KLHL2: variants seen among roughly 807,000 people sequenced by gnomAD.
The protein encoded by KLHL2 is kelch like family member 2, also known as kelch-like protein 2.
A neutral mutation model predicts 75.8 loss-of-function variants in KLHL2; 15 were observed. The observed-to-expected ratio is 0.20, with a 90% CI of 0.13 to 0.30. The LOEUF (loss-of-function observed/expected upper bound fraction) is 0.30, where lower values mean the gene tolerates loss of function less well. KLHL2 is among the 10% of genes least tolerant of loss of function. The probability of loss-of-function intolerance (pLI) is 1.00; values close to 1 mark genes in which losing one functional copy is unlikely to be tolerated. For synonymous variants in KLHL2, 214 were observed against 251.9 expected, an observed-to-expected ratio of 0.85 and a Z score of 1.42; for missense variants, 381 against 741.0, an observed-to-expected ratio of 0.51 and a Z score of 5.64.
intron 5 of KLHL2, among the ~76,000 whole-genome samples, chr4:165,276,486 T>C (rs1252150689): frequency 6.6e-6 from 1 of 152,022 alleles, no homozygotes; most frequent in African/African-American, 2.4e-5. Context: ...TTCCAGACCA[T>C]TGCTCTCACT....
At chr4:165,217,396 A>G (rs1737624099) in intron 1 of KLHL2, among the ~76,000 whole-genome samples, 2 of 152,154 alleles carry the variant, frequency 1.3e-5, no homozygotes, top group Non-Finnish European at 2.9e-5. Flanking sequence ...ATGTTCTGCC[A>G]TCTTTTTGGC....
At chr4:165,226,122 A>C (rs192410997) in intron 2 of KLHL2, among the ~76,000 whole-genome samples, 3 of 152,342 alleles carry the variant, frequency 2.0e-5, no homozygotes, top group Non-Finnish European at 2.9e-5. Flanking sequence ...GACAAAAGGA[A>C]AATAGGCATA....
chr4:165,229,545 T>G (rs1738716462), intron 3 of KLHL2, among the ~76,000 whole-genome samples: 1 of 152,198 alleles, frequency 6.6e-6, no homozygotes, highest in South Asian at 2.1e-4. Context: ...AAAATACAAA[T>G]AGAAATGTAG....
intron 5 of KLHL2, chr4:165,278,235 C>T (rs759178280): frequency 1.7e-5 from 20 of 1,150,540 alleles, no homozygotes; most frequent in South Asian, 1.3e-4. Flanking sequence ...AGACTCCATA[C>T]GTCGACTCCT....
chr4:165,231,382 G>A (rs1234033836), intron 3 of KLHL2, among the ~76,000 whole-genome samples: 1 of 152,174 alleles, frequency 6.6e-6, no homozygotes, highest in Non-Finnish European at 1.5e-5. Context: ...CTGGGAGGCA[G>A]AGGTTGCAGT....
intron 4 of KLHL2, among the ~76,000 whole-genome samples, chr4:165,246,266 G>A (rs571043039): frequency 6.6e-6 from 1 of 152,278 alleles, no homozygotes; most frequent in East Asian, 1.9e-4. Flanking sequence ...CAGAGTAAAT[G>A]ATGAGAGAGT....
At chr4:165,296,203 A>G (rs1560815460) in intron 6 of KLHL2, among the ~76,000 whole-genome samples, 1 of 152,138 alleles carries the variant, frequency 6.6e-6, no homozygotes, top group Non-Finnish European at 1.5e-5. Context: ...TGCACATGGC[A>G]TCTTATGGGT....
At chr4:165,292,993 T>C (rs1453055686) in intron 5 of KLHL2, among the ~76,000 whole-genome samples, 1 of 152,192 alleles carries the variant, frequency 6.6e-6, no homozygotes, top group Admixed American at 6.5e-5. Flanking sequence ...ACAGCAATCT[T>C]ATTTTTATTA....
At chr4:165,246,536 T>C (rs1740279966) in intron 4 of KLHL2, among the ~76,000 whole-genome samples, 2 of 152,024 alleles carry the variant, frequency 1.3e-5, no homozygotes, top group Admixed American at 6.6e-5. Context: ...TGGCGTGAGA[T>C]GGTGAACAAT....
chr4:165,255,043 G>T (rs548577609), intron 4 of KLHL2, among the ~76,000 whole-genome samples: 1 of 152,326 alleles, frequency 6.6e-6, no homozygotes, highest in South Asian at 2.1e-4. Context: ...AACCCTGAAA[G>T]GTAGGTGGTG....
At chr4:165,278,815 A>G (rs1344316117) in intron 5 of KLHL2, 1 of 1,554,818 alleles carries the variant, frequency 6.4e-7, no homozygotes, top group Non-Finnish European at 8.9e-7. Flanking sequence ...TTCCATACGT[A>G]TTTTTGGCTT....
At chr4:165,276,109 C>T (rs1743072999) in intron 5 of KLHL2, among the ~76,000 whole-genome samples, 1 of 152,168 alleles carries the variant, frequency 6.6e-6, no homozygotes, top group African/African-American at 2.4e-5. Context: ...GCCTGGGCAA[C>T]AGAGAGACTC....
At chr4:165,267,122 T>C (rs1218563958) in intron 5 of KLHL2, among the ~76,000 whole-genome samples, 1 of 151,056 alleles carries the variant, frequency 6.6e-6, no homozygotes, top group African/African-American at 2.4e-5. Flanking sequence ...CTCTCTATTA[T>C]TGGTGTATAG....
At chr4:165,254,229 A>G (rs1285889634) in intron 4 of KLHL2, among the ~76,000 whole-genome samples, 1 of 152,230 alleles carries the variant, frequency 6.6e-6, no homozygotes, top group East Asian at 1.9e-4. Context: ...ATTTTATAAT[A>G]GGATTGTTTG....
intron 1 of KLHL2, among the ~76,000 whole-genome samples, chr4:165,215,686 T>C (rs1737488298): frequency 6.6e-6 from 1 of 152,168 alleles, no homozygotes; most frequent in African/African-American, 2.4e-5. Context: ...GATCTCCTGT[T>C]AAACTTTGCA....
intron 4 of KLHL2, among the ~76,000 whole-genome samples, chr4:165,262,816 C>T (rs377200141): frequency 8.1e-4 from 124 of 152,174 alleles, no homozygotes; most frequent in South Asian, 2.5e-3. Flanking sequence ...TGAACTCAAG[C>T]GATCCTCCTG....
At chr4:165,211,084 C>A (rs1271516303) in intron 1 of KLHL2, among the ~76,000 whole-genome samples, 1 of 152,020 alleles carries the variant, frequency 6.6e-6, no homozygotes, top group Non-Finnish European at 1.5e-5. Context: ...ACTTGTTGAC[C>A]ATGTTCTAAG....
At chr4:165,310,189 G>C (rs1746048631) in intron 9 of KLHL2, among the ~76,000 whole-genome samples, 1 of 152,156 alleles carries the variant, frequency 6.6e-6, no homozygotes, top group Non-Finnish European at 1.5e-5. Context: ...GTTGGGTGTG[G>C]TGGCGGGCGC....
At chr4:165,312,087 G>C (rs1177616635) in intron 11 of KLHL2, among the ~76,000 whole-genome samples, 1 of 152,024 alleles carries the variant, frequency 6.6e-6, no homozygotes, top group African/African-American at 2.4e-5. Flanking sequence ...TTCAAGATAG[G>C]GTTCACACTT....
Sources: gnomAD v4.1 joint callset for allele counts (sites outside exome capture counted in the v4.1 genomes callset) on GRCh38, gnomAD v4.1.1 for gene constraint, MANE v1.5 for transcripts, NCBI Gene and HGNC (gene_info 2026-07-23, HGNC 2026-07-21) for gene names.